DCC: variants seen among roughly 807,000 people sequenced by gnomAD.
DCC encodes netrin receptor DCC.
In DCC, 58 loss-of-function variants were observed where a neutral mutation model predicts 172.5. That is an observed-to-expected ratio of 0.34 (90% CI 0.27 to 0.42). The LOEUF (loss-of-function observed/expected upper bound fraction) is 0.42. Ranked by LOEUF, DCC falls within the 10% of genes least tolerant of loss-of-function variation. DCC has a pLI of 1.00. For synonymous variants in DCC, 709 were observed against 644.5 expected (o/e 1.10, Z -1.52); for missense variants, 1,740 against 1,791.0 (o/e 0.97, Z 0.51).
At chr18:53,299,417 A>G (rs2057105803) in intron 12 of DCC, among the ~76,000 whole-genome samples, 1 of 152,128 alleles carries the variant, frequency 6.6e-6, no homozygotes, top group South Asian at 2.1e-4. Context: ...TTCCCTGAAG[A>G]TGCTTGACGT....
chr18:52,638,859 A>T (rs975714701), intron 1 of DCC, among the ~76,000 whole-genome samples: 2 of 152,206 alleles, frequency 1.3e-5, no homozygotes, highest in African/African-American at 4.8e-5. Flanking sequence ...AAATGAACTT[A>T]ACAGATGTAT....
At chr18:52,426,519 C>T (rs549390885) in intron 1 of DCC, among the ~76,000 whole-genome samples, 143 of 151,762 alleles carry the variant, frequency 9.4e-4, no homozygotes, top group African/African-American at 2.9e-3. Flanking sequence ...AGAAATAAAC[C>T]CCCAAAGAAA....
intron 20 of DCC, among the ~76,000 whole-genome samples, chr18:53,411,465 A>G (rs573138112): frequency 6.4e-4 from 98 of 152,298 alleles, no homozygotes; most frequent in African/African-American, 2.3e-3. Context: ...CTGTGACCAC[A>G]TCATACCTCT....
chr18:53,240,900 T>G (rs1465714550), intron 12 of DCC, among the ~76,000 whole-genome samples: 1 of 152,090 alleles, frequency 6.6e-6, no homozygotes, highest in Non-Finnish European at 1.5e-5. Context: ...TTTTAGAGAG[T>G]CTTGTTGTAC....
At chr18:53,114,262 C>T (rs995942263) in intron 7 of DCC, among the ~76,000 whole-genome samples, 1 of 151,182 alleles carries the variant, frequency 6.6e-6, no homozygotes, top group African/African-American at 2.4e-5. Context: ...CCCCCCCACC[C>T]CAAGTAATGT....
chr18:53,046,313 G>A (rs1318091100), intron 5 of DCC, among the ~76,000 whole-genome samples: 1 of 151,750 alleles, frequency 6.6e-6, no homozygotes, highest in Non-Finnish European at 1.5e-5. Context: ...GGTATATATT[G>A]TTTTAAGCAA....
intron 7 of DCC, among the ~76,000 whole-genome samples, chr18:53,128,830 TACACACACAC>T (rs1209652447): frequency 4.6e-5 from 4 of 86,966 alleles, no homozygotes; most frequent in Admixed American, 2.6e-4. Flanking sequence ...TGTATACACA[TACACACACAC>T]ACACACACAC....
chr18:52,983,114 A>G (rs1051378719), intron 5 of DCC, among the ~76,000 whole-genome samples: 2 of 152,170 alleles, frequency 1.3e-5, no homozygotes, highest in African/African-American at 4.8e-5. Flanking sequence ...GGAAATCACT[A>G]GAATCATGAG....
At chr18:52,868,053 A>ATATATGTG (rs61579666) in intron 2 of DCC, among the ~76,000 whole-genome samples, 53 of 144,354 alleles carry the variant, frequency 3.7e-4, no homozygotes, top group African/African-American at 1.3e-3. Flanking sequence ...ATATATATAT[A>ATATATGTG]TGTGTGTGTG....
chr18:52,872,011 C>T (rs558051802), intron 2 of DCC, among the ~76,000 whole-genome samples: 5 of 152,150 alleles, frequency 3.3e-5, no homozygotes, highest in African/African-American at 1.2e-4. Context: ...CTCATAGTGC[C>T]AAAACTGTAG....
intron 1 of DCC, among the ~76,000 whole-genome samples, chr18:52,403,466 A>G (rs1015123805): frequency 1.3e-5 from 2 of 151,996 alleles, no homozygotes; most frequent in Non-Finnish European, 2.9e-5. Context: ...TAACAGCCCA[A>G]TTGTGTTTTG....
At chr18:53,514,907 C>CCAAT (rs1440273827) in intron 27 of DCC, among the ~76,000 whole-genome samples, 1 of 151,464 alleles carries the variant, frequency 6.6e-6, no homozygotes, top group Non-Finnish European at 1.5e-5. Context: ...TGAAACTATT[C>CCAAT]CAATCAATAG....
At position 52,905,582 on chromosome 18, in the gene DCC, G is replaced by A. The variant is rs148150309; in HGVS notation, c.413-462G>A. Among the ~76,000 whole-genome samples, 959 of 152,198 alleles carry A rather than the reference G, an allele frequency of 6.3e-3. 11 individuals carry two copies. The highest frequency in any genetic ancestry group is 0.031 in the Middle Eastern group (9 of 294). On this transcript the variant is annotated intron_variant, in intron 2 of 28. Coordinates refer to ENST00000442544, the MANE Select transcript of DCC (RefSeq NM_005215.4). ...GCTGCTCTAGGTCATGCCGTATGAC[G>A]AGTCCTTCATGAATCTTCATGACTT...
intron 7 of DCC, among the ~76,000 whole-genome samples, chr18:53,109,084 G>A (rs2043293393): frequency 1.3e-5 from 2 of 151,224 alleles, no homozygotes; most frequent in Non-Finnish European, 3.0e-5. Flanking sequence ...TTTAATTTTA[G>A]CCATTTTATG....
At position 52,962,655 on chromosome 18, in the gene DCC, T is replaced by C. The variant is rs558229121; in HGVS notation, c.985+37285T>C. ...ATGCTGCTATAAAGACACATGCACA[T>C]GTATGTTTATTGCGGCACTATTCAC... On this transcript the variant is annotated intron_variant, in intron 5 of 28. Coordinates refer to ENST00000442544, the MANE Select transcript of DCC (RefSeq NM_005215.4). Among the ~76,000 whole-genome samples, 271 of 151,846 alleles carry C rather than the reference T, an allele frequency of 1.8e-3. 1 individual carries two copies. In the South Asian group the frequency reaches 0.021, roughly 12 times the overall value.
At chr18:53,509,260 G>A (rs1474408237) in intron 27 of DCC, among the ~76,000 whole-genome samples, 1 of 152,222 alleles carries the variant, frequency 6.6e-6, no homozygotes, top group Non-Finnish European at 1.5e-5. Context: ...CACTACTGAT[G>A]TCTTTGTCTT....
At chr18:52,862,075 C>T (rs2039152097) in intron 2 of DCC, among the ~76,000 whole-genome samples, 2 of 152,106 alleles carry the variant, frequency 1.3e-5, no homozygotes, top group South Asian at 2.1e-4. Context: ...GAATCTCATA[C>T]AGTATTAGAA....
chr18:52,918,704 T>TTTTATTTATATTTTATAAATATAAATA (rs1311203863), intron 3 of DCC, among the ~76,000 whole-genome samples: 1 of 152,144 alleles, frequency 6.6e-6, no homozygotes, highest in East Asian at 1.9e-4. Context: ...ATAAATATAC[T>TTTTATTTATATTTTATAAATATAAATA]TTCTTAATCC....
At chr18:52,878,981 A>G (rs1457491005) in intron 2 of DCC, among the ~76,000 whole-genome samples, 2 of 152,214 alleles carry the variant, frequency 1.3e-5, no homozygotes, top group Admixed American at 6.5e-5. Flanking sequence ...TTCACACAGA[A>G]GGCTTAGAGA....
Sources: gnomAD v4.1 joint callset for allele counts (sites outside exome capture counted in the v4.1 genomes callset) on GRCh38, gnomAD v4.1.1 for gene constraint, MANE v1.5 for transcripts, NCBI Gene and HGNC (gene_info 2026-07-23, HGNC 2026-07-21) for gene names.